Variants in IL4R observed in about 807,000 individuals in gnomAD.
The protein encoded by IL4R is interleukin-4 receptor subunit alpha.
In IL4R, 17 loss-of-function variants were observed where a neutral mutation model predicts 41.5. The ratio of observed to expected loss-of-function variants is 0.41; its 90% CI spans 0.28 to 0.61. The LOEUF (loss-of-function observed/expected upper bound fraction) is 0.61. IL4R is among the 20% of genes least tolerant of loss of function. The pLI, the probability that IL4R is intolerant of heterozygous loss-of-function variation, is 0.31. For synonymous variants in IL4R, 402 were observed against 422.9 expected, an observed-to-expected ratio of 0.95 and a Z score of 0.61; for missense variants, 974 against 1,043.1, an observed-to-expected ratio of 0.93 and a Z score of 0.91.
chr16:27,316,907 T>C (rs1315521044), intron 1 of IL4R, among the ~76,000 whole-genome samples: 3 of 23,706 alleles, frequency 1.3e-4, no homozygotes, highest in Non-Finnish European at 3.0e-4. Flanking sequence ...AATGAATACC[T>C]TTTTTTTTTT....
rs1208245893 is a variant in IL4R at position 27,342,146 on chromosome 16, C to T, written c.96C>T (p.Pro32=). The T allele has an allele frequency of 6.2e-7, 1 of 1,614,214 alleles. No individual in the cohort carries two copies. Among genetic ancestry groups the T allele is most frequent in the Non-Finnish European group, 8.5e-7 (1 of 1,180,032 alleles). ...SSGNMKVLQE[P]TCVSDYMSIS... ...GGAACATGAAGGTCTTGCAGGAGCCCACCTGCGTCTCCGACTACATGAGCA... is the reference window on the plus strand; with the variant it reads ...GGAACATGAAGGTCTTGCAGGAGCCTACCTGCGTCTCCGACTACATGAGCA... Residue 32 remains proline (P), a synonymous_variant, in exon 4 of 11, where the codon CCC becomes CCT. Transcript: ENST00000395762.
chr16:27,346,884 CTG>C (rs1171517935), intron 6 of IL4R, among the ~76,000 whole-genome samples: 1 of 152,252 alleles, frequency 6.6e-6, no homozygotes, highest in Non-Finnish European at 1.5e-5. Flanking sequence ...TGGGCCACAT[CTG>C]TGTTTCCCAG....
At chr16:27,361,902 G>GTA (rs2086302954) in intron 10 of IL4R, among the ~76,000 whole-genome samples, 1 of 152,142 alleles carries the variant, frequency 6.6e-6, no homozygotes. Context: ...TTACAGGCGT[G>GTA]AGCCACCGCA....
chr16:27,334,033 C>T (rs938745657), intron 2 of IL4R, among the ~76,000 whole-genome samples: 13 of 152,030 alleles, frequency 8.6e-5, no homozygotes, highest in Non-Finnish European at 1.3e-4. Flanking sequence ...CAGGCACCCG[C>T]CACCACGCCC....
At chr16:27,329,497 G>A (rs1328838282) in intron 1 of IL4R, among the ~76,000 whole-genome samples, 1 of 151,910 alleles carries the variant, frequency 6.6e-6, no homozygotes, top group Non-Finnish European at 1.5e-5. Flanking sequence ...CCAACATGGG[G>A]AAACCCTGTC....
intron 2 of IL4R, among the ~76,000 whole-genome samples, chr16:27,331,913 T>G (rs2085120574): frequency 1.3e-5 from 2 of 152,120 alleles, no homozygotes. Context: ...GGATTGTTAT[T>G]TACATCTTCT....
chr16:27,325,126 A>G (rs973776761), intron 1 of IL4R, among the ~76,000 whole-genome samples: 2 of 151,742 alleles, frequency 1.3e-5, no homozygotes, highest in Non-Finnish European at 2.9e-5. Flanking sequence ...CGGCCTGCCA[A>G]CCTTCCAGCT....
intron 1 of IL4R, among the ~76,000 whole-genome samples, chr16:27,328,872 T>C (rs144004098): frequency 2.6e-5 from 4 of 152,292 alleles, no homozygotes; most frequent in Middle Eastern, 6.8e-3. Flanking sequence ...ATGTTTGTCT[T>C]ATTGATTTGT....
Position 27,342,130 on chromosome 16 carries a change from A to G in IL4R, c.80A>G (p.Lys27Arg). The change falls in exon 4 of 11, where the codon AAG (lysine) becomes AGG (arginine). Residue 27 changes from lysine to arginine, a missense_variant. Coordinates refer to ENST00000395762, the MANE Select transcript of IL4R (RefSeq NM_000418.4). ...LLQVASSGNM[K>R]VLQEPTCVSD... is the part of the protein sequence containing the mutation. ...TCCTGTGTCTCCCCAGGGAACATGA[A>G]GGTCTTGCAGGAGCCCACCTGCGTC... 1.2e-6 allele frequency: 2 copies of G among 1,614,100 alleles called. No individual in the cohort carries two copies. Among genetic ancestry groups the G allele is most frequent in the Non-Finnish European group, 1.7e-6 (2 of 1,179,992 alleles).
chr16:27,362,436 G>A lies in IL4R; in HGVS notation c.1084G>A (p.Val362Met), dbSNP rs915680769. 9 of 1,614,040 alleles carry A rather than the reference G, an allele frequency of 5.6e-6. No homozygotes were observed. Among genetic ancestry groups the A allele is most frequent in the Admixed American group, 1.7e-5 (1 of 60,006 alleles). The change falls in exon 11 of 11, where the codon GTG becomes ATG. Residue 362 changes from valine (V) to methionine (M), a missense_variant. Val to Met is a conservative substitution (Grantham distance 21). Coordinates refer to ENST00000395762, the MANE Select transcript of IL4R (RefSeq NM_000418.4). ...WPESISVVRC[V>M]ELFEAPVECE... ...AGAGAGCATCAGCGTGGTGCGATGT[G>A]TGGAGTTGTTTGAGGCCCCGGTGGA...
In IL4R at chr16:27,316,930, G is replaced by A. The variant is rs1209492774; in HGVS notation, c.-152+2910G>A. 2.1e-5 allele frequency among the ~76,000 whole-genome samples: 3 copies of A among 143,296 alleles called. No homozygotes were observed. The East Asian group carries it at 5.9e-4, about 28-fold the overall frequency. 94.0% of individuals were successfully genotyped at this position (143,296 alleles called of 152,430 possible). ...CCTTTTTTTTTTTTTTAGAGCCATGGTCTCTCTCTATTTCCCAGGCTGGAG... is the reference window on the plus strand; with the variant it reads ...CCTTTTTTTTTTTTTTAGAGCCATGATCTCTCTCTATTTCCCAGGCTGGAG... On this transcript the variant is annotated intron_variant, in intron 1 of 10. Coordinates refer to ENST00000395762, the MANE Select transcript of IL4R (RefSeq NM_000418.4).
rs781031119 is a variant in IL4R, at chr16:27,346,442, C to A, written c.362-25C>A. ...ATGGGGGAGTCACTGCATAGATCCT[C>A]ACATAGAGGCCGCTTCTCCCGCAGT... On this transcript the variant is annotated intron_variant, in intron 5 of 10. Coordinates refer to ENST00000395762, the MANE Select transcript of IL4R (RefSeq NM_000418.4). 3 of 1,613,662 alleles carry A rather than the reference C, an allele frequency of 1.9e-6. No individual in the cohort carries two copies. The South Asian group carries it at 3.3e-5, about 18-fold the overall frequency.
intron 10 of IL4R, among the ~76,000 whole-genome samples, chr16:27,361,655 C>G (rs2086291328): frequency 6.7e-6 from 1 of 148,344 alleles, no homozygotes; most frequent in Non-Finnish European, 1.5e-5. Context: ...TTGCTGTGTC[C>G]CTCAGGCTGG....
At chr16:27,320,948 CTT>C (rs201149622) in intron 1 of IL4R, among the ~76,000 whole-genome samples, 1 of 143,336 alleles carries the variant, frequency 7.0e-6, no homozygotes. Flanking sequence ...TTCTTTCTTT[CTT>C]TTTTTTTTTT....
At chr16:27,348,262 TG>T (rs1192855804) in intron 6 of IL4R, among the ~76,000 whole-genome samples, 67 of 151,722 alleles carry the variant, frequency 4.4e-4, no homozygotes, top group Non-Finnish European at 1.5e-5. Context: ...GCGGGGGGCA[TG>T]GGGGGAAGGA....
intron 8 of IL4R, among the ~76,000 whole-genome samples, chr16:27,356,561 A>G (rs1425057380): frequency 6.6e-6 from 1 of 152,142 alleles, no homozygotes; most frequent in African/African-American, 2.4e-5. Context: ...AAGGCTCTCC[A>G]AGGAGGGAAA....
At chr16:27,321,439 C>A (rs2084809450) in intron 1 of IL4R, among the ~76,000 whole-genome samples, 1 of 152,212 alleles carries the variant, frequency 6.6e-6, no homozygotes, top group Non-Finnish European at 1.5e-5. Flanking sequence ...GAGTCCCACG[C>A]AAAGACTGTT....
In IL4R at chr16:27,363,223, C is replaced by A. The variant is rs1473324509; in HGVS notation, c.1871C>A (p.Ala624Asp). Residue 624 changes from alanine (A) to aspartate (D), a missense_variant, in exon 11 of 11, where the codon GCT (alanine) becomes GAT (aspartate). Transcript: ENST00000395762. ...TCCCCAGAGAAATGTGGGTTTGGGGCTAGCAGTGGGGAAGAGGGGTATAAG... is the reference window on the plus strand; with the variant it reads ...TCCCCAGAGAAATGTGGGTTTGGGGATAGCAGTGGGGAAGAGGGGTATAAG... ...AVSPEKCGFGASSGEEGYKPF... is the reference protein window; with the variant it reads ...AVSPEKCGFGDSSGEEGYKPF... 2.5e-6 allele frequency: 4 copies of A among 1,607,810 alleles called. No individual in the cohort carries two copies. The highest frequency in any genetic ancestry group is 2.5e-6 in the Non-Finnish European group (3 of 1,176,508).
chr16:27,355,151 A>G (rs2086015587), intron 7 of IL4R: 1 of 343,978 alleles, frequency 2.9e-6, no homozygotes, highest in Non-Finnish European at 6.4e-6. Context: ...AAAAGCAAAC[A>G]TATAAAGAAA....
Sources: allele counts gnomAD v4.1 joint callset (sites outside exome capture counted in the v4.1 genomes callset), GRCh38; gene constraint gnomAD v4.1.1; transcripts MANE v1.5; gene names NCBI Gene and HGNC (gene_info 2026-07-23, HGNC 2026-07-21).